Variants in AP3B1 observed in about 807,000 individuals in gnomAD.
AP3B1 encodes adaptor related protein complex 3 subunit beta 1.
In AP3B1, 61 loss-of-function variants were observed where a neutral mutation model predicts 132.5. The ratio of observed to expected loss-of-function variants is 0.46; its 90% confidence interval spans 0.37 to 0.57. AP3B1 has a LOEUF of 0.57. Ranked by LOEUF, AP3B1 falls within the 20% of genes least tolerant of loss-of-function variation. AP3B1 has a pLI of 0.00. For synonymous variants in AP3B1, 388 were observed against 438.3 expected, an observed-to-expected ratio of 0.89 and a Z score of 1.43; for missense variants, 1,120 against 1,289.4, an observed-to-expected ratio of 0.87 and a Z score of 2.01.
At chr5:78,049,140 A>G (rs1203534714) in intron 22 of AP3B1, among the ~76,000 whole-genome samples, 1 of 152,190 alleles carries the variant, frequency 6.6e-6, no homozygotes, top group African/African-American at 2.4e-5. Context: ...ATGTGGGCCA[A>G]CCTAACTCAC....
intron 11 of AP3B1, among the ~76,000 whole-genome samples, chr5:78,167,865 G>A (rs1743712365): frequency 6.6e-6 from 1 of 151,942 alleles, no homozygotes; most frequent in Admixed American, 6.6e-5. Context: ...GGGGCTCAGG[G>A]GAAAGGGTGG....
chr5:78,266,899 G>A (rs1748345587), intron 2 of AP3B1, among the ~76,000 whole-genome samples: 1 of 151,764 alleles, frequency 6.6e-6, no homozygotes, highest in Non-Finnish European at 1.5e-5. Flanking sequence ...TAGAACCCTG[G>A]AAAAATAAAA....
At chr5:78,285,109 C>T (rs544650200) in intron 1 of AP3B1, among the ~76,000 whole-genome samples, 1 of 151,152 alleles carries the variant, frequency 6.6e-6, no homozygotes, top group African/African-American at 2.4e-5. Context: ...ATTAGCTGGG[C>T]GTGGTGGAGG....
intron 1 of AP3B1, among the ~76,000 whole-genome samples, chr5:78,293,195 T>C (rs1749609015): frequency 6.6e-6 from 1 of 152,102 alleles, no homozygotes; most frequent in Non-Finnish European, 1.5e-5. Flanking sequence ...CTGACAAAAA[T>C]CTAAGAGAAA....
intron 22 of AP3B1, among the ~76,000 whole-genome samples, chr5:78,085,858 G>A (rs60525061): frequency 0.02 from 3,060 of 151,868 alleles, 99 homozygotes; most frequent in African/African-American, 0.066. Flanking sequence ...AAAAAGAAAT[G>A]GAATTAAAAC....
At chr5:78,263,950 T>C (rs1748210282) in intron 2 of AP3B1, among the ~76,000 whole-genome samples, 1 of 152,178 alleles carries the variant, frequency 6.6e-6, no homozygotes, top group Non-Finnish European at 1.5e-5. Flanking sequence ...TACTTACCAT[T>C]GTGTTACAAC....
intron 19 of AP3B1, among the ~76,000 whole-genome samples, chr5:78,113,514 G>T (rs192747315): frequency 5.3e-4 from 81 of 152,190 alleles, no homozygotes; most frequent in African/African-American, 1.9e-3. Flanking sequence ...GCCTTCCAAG[G>T]TTATACCAAT....
chr5:78,093,388 A>G (rs1340708975), intron 21 of AP3B1, among the ~76,000 whole-genome samples: 1 of 152,222 alleles, frequency 6.6e-6, no homozygotes, highest in Non-Finnish European at 1.5e-5. Context: ...GGAGAAAGCA[A>G]GTGATAAAAC....
At chr5:78,203,767 C>T (rs1166417610) in intron 7 of AP3B1, among the ~76,000 whole-genome samples, 3 of 152,096 alleles carry the variant, frequency 2.0e-5, no homozygotes, top group Admixed American at 6.6e-5. Flanking sequence ...GTCTCTTGAG[C>T]TCTGTTCATC....
intron 26 of AP3B1, among the ~76,000 whole-genome samples, chr5:78,004,481 T>G (rs921426955): frequency 2.6e-5 from 4 of 152,248 alleles, no homozygotes; most frequent in Non-Finnish European, 5.9e-5. Context: ...ATTTCTTTTT[T>G]GGGTTTTTTA....
intron 17 of AP3B1, among the ~76,000 whole-genome samples, chr5:78,118,631 C>T (rs1477371623): frequency 1.3e-5 from 2 of 152,128 alleles, no homozygotes; most frequent in South Asian, 2.1e-4. Context: ...GGGGGAGGGG[C>T]GCCTGCCATT....
chr5:78,254,951 C>T (rs903306461), intron 2 of AP3B1, among the ~76,000 whole-genome samples: 2 of 151,886 alleles, frequency 1.3e-5, no homozygotes, highest in African/African-American at 2.4e-5. Flanking sequence ...AGTGAGGAGA[C>T]GAAGTTAAAG....
intron 22 of AP3B1, chr5:78,042,992 TG>T (rs1439004441): frequency 5.7e-6 from 1 of 176,954 alleles, no homozygotes; most frequent in Non-Finnish European, 1.3e-5. Flanking sequence ...CAAATGTTCT[TG>T]ATCTTGTTTA....
At chr5:78,232,435 GTC>G (rs1356466272) in intron 3 of AP3B1, among the ~76,000 whole-genome samples, 2 of 152,104 alleles carry the variant, frequency 1.3e-5, no homozygotes, top group African/African-American at 4.8e-5. Flanking sequence ...ATCAAGAGCA[GTC>G]TCACCCACAT....
intron 14 of AP3B1, 146 bp downstream of exon 14, chr5:78,156,112 A>G (rs1469285554): frequency 1.5e-6 from 1 of 659,590 alleles, no homozygotes; most frequent in Non-Finnish European, 2.7e-6. Context: ...ATTCCCTCCT[A>G]TAACAGCAAG....
At chr5:78,102,516 A>G (rs1217561265) in intron 20 of AP3B1, among the ~76,000 whole-genome samples, 2 of 152,132 alleles carry the variant, frequency 1.3e-5, no homozygotes, top group Admixed American at 6.5e-5. Flanking sequence ...TGAGTAAACA[A>G]TGTCTAAGAT....
intron 19 of AP3B1, 43 bp downstream of exon 19, chr5:78,113,709 T>C (rs1428471235): frequency 6.2e-7 from 1 of 1,608,454 alleles, no homozygotes; most frequent in Non-Finnish European, 8.5e-7. Context: ...GGGCAAACTT[T>C]CACAGAATAT....
chr5:78,218,232 T>C (rs1161895074), intron 6 of AP3B1, among the ~76,000 whole-genome samples: 2 of 152,076 alleles, frequency 1.3e-5, no homozygotes, highest in Non-Finnish European at 2.9e-5. Context: ...CAATATTCTA[T>C]AAAATATTCA....
intron 22 of AP3B1, among the ~76,000 whole-genome samples, chr5:78,083,648 G>T (rs1750107800): frequency 6.6e-6 from 1 of 152,176 alleles, no homozygotes. Flanking sequence ...AGAGCTATCT[G>T]TTGGCCAATG....
Sources: allele counts gnomAD v4.1 joint callset (sites outside exome capture counted in the v4.1 genomes callset), GRCh38; gene constraint gnomAD v4.1.1; transcripts MANE v1.5; gene names NCBI Gene and HGNC (gene_info 2026-07-23, HGNC 2026-07-21).